Variants in CDKN2B observed in about 807,000 individuals in gnomAD.
CDKN2B encodes cyclin dependent kinase inhibitor 2B, also known as cyclin-dependent kinase 4 inhibitor B.
A neutral mutation model predicts 7.7 loss-of-function variants in CDKN2B; 8 were observed. The observed-to-expected ratio is 1.04, with a 90% CI of 0.61 to 1.87. The LOEUF (loss-of-function observed/expected upper bound fraction) is 1.87. CDKN2B is among the 40% of genes most tolerant of loss of function. CDKN2B has a pLI of 0.00. For synonymous variants in CDKN2B, 93 were observed against 95.8 expected (o/e 0.97, Z 0.17); for missense variants, 244 against 213.1 (o/e 1.15, Z -0.90).
rs776444022 is a variant in CDKN2B, at chr9:22,008,823, T to C, written c.131A>G (p.Asn44Ser). 7.5e-6 allele frequency: 12 copies of C among 1,607,228 alleles called. No homozygotes were observed. In the Admixed American group the frequency reaches 1.4e-4, roughly 18 times the overall value. Reference sequence around the variant, plus strand: ...CTGGATCGCGCGCCTCCCGAAACGGTTGACTCCGTTGGGATCCGCGCCGGC... The same window carrying C: ...CTGGATCGCGCGCCTCCCGAAACGGCTGACTCCGTTGGGATCCGCGCCGGC... ...LEAGADPNGV[N>S]RFGRRAIQVM... The change falls in exon 1 of 2, where the codon AAC becomes AGC. Residue 44 changes from asparagine (N) to serine (S), a missense_variant. Coordinates refer to ENST00000276925, the MANE Select transcript of CDKN2B (RefSeq NM_004936.4).
Position 22,008,992 on chromosome 9 carries a change from C to T in CDKN2B, c.-39G>A. Reference sequence around the variant, plus strand: ...GACGCGCAGCGGCCCGGATAATCCACCGTTGGCCGTAAACTTAACGACACT... The same window carrying T: ...GACGCGCAGCGGCCCGGATAATCCATCGTTGGCCGTAAACTTAACGACACT... On this transcript the variant is annotated 5_prime_UTR_variant, in exon 1 of 2. It adds an upstream start codon to the 5' untranslated region. Coordinates refer to ENST00000276925, the MANE Select transcript of CDKN2B (RefSeq NM_004936.4). 2 of 1,613,464 alleles carry T rather than the reference C, an allele frequency of 1.2e-6. No individual in the cohort carries two copies. Among genetic ancestry groups the T allele is most frequent in the Non-Finnish European group, 1.7e-6 (2 of 1,179,930 alleles).
At chr9:22,008,406 G>A (rs1376902077) in intron 1 of CDKN2B, among the ~76,000 whole-genome samples, 1 of 152,092 alleles carries the variant, frequency 6.6e-6, no homozygotes, top group East Asian at 1.9e-4. Context: ...CATGTACTAT[G>A]ATTTTGTAGA....
In CDKN2B at chr9:22,008,865, A is replaced by C; in HGVS notation, c.89T>G (p.Val30Gly). The change falls in exon 1 of 2, where the codon GTG (valine) becomes GGG (glycine). Residue 30 changes from valine to glycine, a missense_variant. Coordinates refer to ENST00000276925, the MANE Select transcript of CDKN2B (RefSeq NM_004936.4). ...SAAARGLVEK[V>G]RQLLEAGADP... ...CGCGCCGGCTTCCAGGAGCTGTCGCACCTTCTCCACTAGTCCCCGCGCCGC... is the reference window on the plus strand; with the variant it reads ...CGCGCCGGCTTCCAGGAGCTGTCGCCCCTTCTCCACTAGTCCCCGCGCCGC... 1 of 1,611,922 alleles carries C rather than the reference A, an allele frequency of 6.2e-7. No individual in the cohort carries two copies. Among genetic ancestry groups the C allele is most frequent in the Non-Finnish European group, 8.5e-7 (1 of 1,179,500 alleles).
At position 22,006,356 on chromosome 9, in the gene CDKN2B, T is replaced by G; in HGVS notation, c.157-109A>C. 1 of 1,460,526 alleles carries G rather than the reference T, an allele frequency of 6.8e-7. No homozygotes were observed. Among genetic ancestry groups the G allele is most frequent in the Non-Finnish European group, 9.3e-7 (1 of 1,074,536 alleles). The allele number at this position is 1,460,526 out of a possible 1,614,324, so 90.5% of individuals were successfully genotyped here. On this transcript the variant is annotated intron_variant, in intron 1 of 1. Coordinates refer to ENST00000276925, the MANE Select transcript of CDKN2B (RefSeq NM_004936.4). This position sits in a 1 kb window ranked among gnomAD's most constrained non-coding sequence, Gnocchi z 6.4. ...TAAAGAAACACCTAATTGCAAAGTT[T>G]TCACCCAGTGCAGAGGTGTTCAGGT...
chr9:22,004,119 T>C lies in CDKN2B; in HGVS notation c.*1868A>G, dbSNP rs1282379118. On this transcript the variant is annotated 3_prime_UTR_variant, in exon 2 of 2. Coordinates refer to ENST00000276925, the MANE Select transcript of CDKN2B (RefSeq NM_004936.4). ...GGTTTAAATATTAAATTAACAAATATATTTTAATGCATACCTGGTACAGAT... is the reference window on the plus strand; with the variant it reads ...GGTTTAAATATTAAATTAACAAATACATTTTAATGCATACCTGGTACAGAT... 2 of 232,354 alleles carry C rather than the reference T, an allele frequency of 8.6e-6. No individual in the cohort carries two copies. The highest frequency in any genetic ancestry group is 1.7e-5 in the Non-Finnish European group (2 of 117,586). The allele number at this position is 232,354 out of a possible 1,614,324, so 14.4% of individuals were successfully genotyped here.
chr9:22,006,364 G>C lies in CDKN2B; in HGVS notation c.157-117C>G. On this transcript the variant is annotated intron_variant, in intron 1 of 1. Coordinates refer to ENST00000276925, the MANE Select transcript of CDKN2B (RefSeq NM_004936.4). This position sits in a 1 kb window ranked among gnomAD's most constrained non-coding sequence, Gnocchi z 6.4. ...CACCTAATTGCAAAGTTTTCACCCA[G>C]TGCAGAGGTGTTCAGGTCTCTGATG... The C allele has an allele frequency of 3.6e-6, 5 of 1,376,358 alleles. No homozygotes were observed. The highest frequency in any genetic ancestry group is 5.0e-6 in the Non-Finnish European group (5 of 1,001,122). The allele number at this position is 1,376,358 out of a possible 1,614,324, so 85.3% of individuals were successfully genotyped here. A position where few individuals can be genotyped will look rare whatever the true frequency, so the allele number is the denominator to read the frequency against.
Position 22,008,969 on chromosome 9 carries a change from C to T in CDKN2B, c.-16G>A, listed in dbSNP as rs755368672. 3.7e-6 allele frequency: 6 copies of T among 1,613,278 alleles called. No homozygotes were observed. The highest frequency in any genetic ancestry group is 5.1e-6 in the Non-Finnish European group (6 of 1,179,974). ...CCTCGCGCATTCCGCAGCCCCCAGA[C>T]GCGCAGCGGCCCGGATAATCCACCG... On this transcript the variant is annotated 5_prime_UTR_variant, in exon 1 of 2. Coordinates refer to ENST00000276925, the MANE Select transcript of CDKN2B (RefSeq NM_004936.4).
In CDKN2B at chr9:22,008,797, C is replaced by T; in HGVS notation, c.156+1G>A. 1 of 1,605,834 alleles carries T rather than the reference C, an allele frequency of 6.2e-7. No homozygotes were observed. On this transcript the variant is annotated splice_donor_variant, in intron 1 of 1. Coordinates refer to ENST00000276925, the MANE Select transcript of CDKN2B (RefSeq NM_004936.4). LOFTEE classifies it high-confidence loss of function. ...CGGCGAGGCCCTGGGGCCCCAGCTA[C>T]CTGGATCGCGCGCCTCCCGAAACGG... is the stretch of plus-strand genomic sequence containing the variant.
In CDKN2B at chr9:22,006,155, C is replaced by T. The variant is rs142570894; in HGVS notation, c.249G>A (p.Pro83=). ...NCADPATLTR[P]VHDAAREGFL... ...AGCCCTCCCGGGCAGCATCATGCAC[C>T]GGTCGGGTGAGAGTGGCAGGGTCTG... Residue 83 remains proline (P), a synonymous_variant, in exon 2 of 2, where the codon CCG becomes CCA. Coordinates refer to ENST00000276925, the MANE Select transcript of CDKN2B (RefSeq NM_004936.4). The surrounding 1 kb of genome is among the most constrained non-coding windows in gnomAD (Gnocchi z 6.4). 6.2e-6 allele frequency: 10 copies of T among 1,611,652 alleles called. No homozygotes were observed. The highest frequency in any genetic ancestry group is 1.7e-4 in the Middle Eastern group (1 of 5,854).
chr9:22,007,992 C>T (rs1821280811), intron 1 of CDKN2B, among the ~76,000 whole-genome samples: 1 of 152,046 alleles, frequency 6.6e-6, no homozygotes, highest in Non-Finnish European at 1.5e-5. Flanking sequence ...CTGAATATGA[C>T]CACTAGCCAA....
In CDKN2B at chr9:22,006,264, A is replaced by C; in HGVS notation, c.157-17T>G. On this transcript the variant is annotated splice_polypyrimidine_tract_variant and intron_variant, in intron 1 of 1. Transcript: ENST00000276925. The surrounding 1 kb of genome is among the most constrained non-coding windows in gnomAD (Gnocchi z 6.4). ...CATCATGACCTGCCAGAGAGAGCAG[A>C]GTGGTCAGAGCCAGGGTGGGGGCAG... The C allele has an allele frequency of 6.2e-7, 1 of 1,602,056 alleles. No individual in the cohort carries two copies. Among genetic ancestry groups the C allele is most frequent in the East Asian group, 2.2e-5 (1 of 44,870 alleles).
chr9:22,009,158 T>C lies in CDKN2B; in HGVS notation c.-205A>G. ...GCGGCCGGTCGTTAGCTCCGGGCTT[T>C]TCCTGGCGCTCAAGAACCAGCGGGC... On this transcript the variant is annotated 5_prime_UTR_variant, in exon 1 of 2. Coordinates refer to ENST00000276925, the MANE Select transcript of CDKN2B (RefSeq NM_004936.4). 1 of 684,648 alleles carries C rather than the reference T, an allele frequency of 1.5e-6. No homozygotes were observed. The highest frequency in any genetic ancestry group is 2.5e-6 in the Non-Finnish European group (1 of 401,358). 42.4% of individuals were successfully genotyped at this position (684,648 alleles called of 1,614,324 possible).
rs551689864 is a variant in CDKN2B at position 22,006,258 on chromosome 9, G to A, written c.157-11C>T. 1 of 1,602,964 alleles carries A rather than the reference G, an allele frequency of 6.2e-7. No homozygotes were observed. The highest frequency in any genetic ancestry group is 1.1e-5 in the South Asian group (1 of 91,072). On this transcript the variant is annotated splice_polypyrimidine_tract_variant and intron_variant, in intron 1 of 1. Coordinates refer to ENST00000276925, the MANE Select transcript of CDKN2B (RefSeq NM_004936.4). The surrounding 1 kb of genome is among the most constrained non-coding windows in gnomAD (Gnocchi z 6.4). ...GCCCATCATCATGACCTGCCAGAGA[G>A]AGCAGAGTGGTCAGAGCCAGGGTGG...
chr9:22,006,940 A>G lies in CDKN2B; in HGVS notation c.157-693T>C, dbSNP rs1258304218. ...TTATAATAAATGATTTTTCCTTAAC[A>G]GTTCATCATTTTAAATTTAGACTAT... On this transcript the variant is annotated intron_variant, in intron 1 of 1. Transcript: ENST00000276925. This position sits in a 1 kb window ranked among gnomAD's most constrained non-coding sequence, Gnocchi z 6.4. Among the ~76,000 whole-genome samples the G allele has an allele frequency of 5.9e-5, 9 of 152,124 alleles. No homozygotes were observed. Among genetic ancestry groups the G allele is most frequent in the African/African-American group, 1.7e-4 (7 of 41,428 alleles).
Position 22,003,379 on chromosome 9 carries a change from G to A in CDKN2B, c.*2608C>T. 2 of 224,662 alleles carry A rather than the reference G, an allele frequency of 8.9e-6. No homozygotes were observed. Among genetic ancestry groups the A allele is most frequent in the East Asian group, 1.3e-4 (2 of 15,240 alleles). The allele number at this position is 224,662 out of a possible 1,614,324, so 13.9% of individuals were successfully genotyped here. A position where few individuals can be genotyped will look rare whatever the true frequency, so the allele number is the denominator to read the frequency against. ...TTCCCTTAATATCAGGTTGTCATTA[G>A]GAAAGATTCCACAAGTTATTTAAAC... On this transcript the variant is annotated 3_prime_UTR_variant, in exon 2 of 2. Coordinates refer to ENST00000276925, the MANE Select transcript of CDKN2B (RefSeq NM_004936.4).
In CDKN2B at chr9:22,008,791, C is replaced by A. The variant is rs1208471868; in HGVS notation, c.156+7G>T. 1 of 1,606,774 alleles carries A rather than the reference C, an allele frequency of 6.2e-7. No individual in the cohort carries two copies. Among genetic ancestry groups the A allele is most frequent in the Non-Finnish European group, 8.5e-7 (1 of 1,176,484 alleles). On this transcript the variant is annotated splice_region_variant and intron_variant, in intron 1 of 1. Coordinates refer to ENST00000276925, the MANE Select transcript of CDKN2B (RefSeq NM_004936.4). ...CCCTGCCGGCGAGGCCCTGGGGCCC[C>A]AGCTACCTGGATCGCGCGCCTCCCG...
chr9:22,008,805 G>C lies in CDKN2B; in HGVS notation c.149C>G (p.Ala50Gly), dbSNP rs1423790481. 6.2e-7 allele frequency: 1 copy of C among 1,604,764 alleles called. No individual in the cohort carries two copies. Among genetic ancestry groups the C allele is most frequent in the South Asian group, 1.1e-5 (1 of 90,478 alleles). Residue 50 changes from alanine (A) to glycine (G), a missense_variant, in exon 1 of 2, where the codon GCG becomes GGG. Coordinates refer to ENST00000276925, the MANE Select transcript of CDKN2B (RefSeq NM_004936.4). The part of the protein sequence containing the change: ...PNGVNRFGRR[A>G]IQVMMMGSAR... ...CCCTGGGGCCCCAGCTACCTGGATC[G>C]CGCGCCTCCCGAAACGGTTGACTCC...
chr9:22,008,469 G>A (rs1191145146), intron 1 of CDKN2B, among the ~76,000 whole-genome samples: 1 of 151,978 alleles, frequency 6.6e-6, no homozygotes, highest in African/African-American at 2.4e-5. Context: ...TATCTTTATC[G>A]TTGAAAGCAG....
In CDKN2B at chr9:22,005,528, G is replaced by C. The variant is rs1821129859; in HGVS notation, c.*459C>G. The C allele has an allele frequency of 3.2e-6, 1 of 310,360 alleles. No homozygotes were observed. Among genetic ancestry groups the C allele is most frequent in the South Asian group, 6.1e-5 (1 of 16,274 alleles). The allele number at this position is 310,360 out of a possible 1,614,324, so 19.2% of individuals were successfully genotyped here. A position where few individuals can be genotyped will look rare whatever the true frequency, so the allele number is the denominator to read the frequency against. ...TTCTGCCGCTAGGGCCTAAGTTGTG[G>C]GTTCACCATAACTCCTCAGCAGACA... On this transcript the variant is annotated 3_prime_UTR_variant, in exon 2 of 2. Transcript: ENST00000276925. This position sits in a 1 kb window ranked among gnomAD's most constrained non-coding sequence, Gnocchi z 4.9.
Sources: gnomAD v4.1 joint callset for allele counts (sites outside exome capture counted in the v4.1 genomes callset) on GRCh38, gnomAD v4.1.1 for gene constraint, Gnocchi (gnomAD v3.1) non-coding constraint, MANE v1.5 for transcripts, NCBI Gene and HGNC (gene_info 2026-07-23, HGNC 2026-07-21) for gene names.